Variants in SKP2 observed in about 807,000 individuals in gnomAD.
SKP2 encodes S-phase kinase-associated protein 2.
Under a neutral mutation model 51.8 loss-of-function variants are expected in SKP2, and 16 were observed. The observed-to-expected ratio is 0.31, with a 90% confidence interval of 0.21 to 0.47. The LOEUF (loss-of-function observed/expected upper bound fraction) is 0.47, where lower values mean the gene tolerates loss of function less well. SKP2 is among the 20% of genes least tolerant of loss of function. SKP2 has a pLI of 1.00. For synonymous variants in SKP2, 176 were observed against 198.6 expected (o/e 0.89, Z 0.96); for missense variants, 377 against 505.3 (o/e 0.75, Z 2.43).
intron 2 of SKP2, among the ~76,000 whole-genome samples, chr5:36,158,237 T>A (rs1383413347): frequency 1.3e-5 from 2 of 152,232 alleles, no homozygotes; most frequent in African/African-American, 2.4e-5. Flanking sequence ...ACCTCTGGAT[T>A]TTTCCTTCCG....
intron 2 of SKP2, among the ~76,000 whole-genome samples, chr5:36,160,902 C>T (rs1458344361): frequency 1.3e-5 from 2 of 152,298 alleles, no homozygotes; most frequent in Middle Eastern, 3.4e-3. Flanking sequence ...CTTTCTACCC[C>T]TAGCTTTCAG....
At chr5:36,160,212 T>A (rs1745080474) in intron 2 of SKP2, among the ~76,000 whole-genome samples, 1 of 152,230 alleles carries the variant, frequency 6.6e-6, no homozygotes, top group Non-Finnish European at 1.5e-5. Context: ...AGTCCAGTAG[T>A]CCTCAAATGT....
chr5:36,188,551 A>G (rs951271238), downstream of SKP2, among the ~76,000 whole-genome samples: 2 of 152,138 alleles, frequency 1.3e-5, no homozygotes. Flanking sequence ...AATGTTGAAT[A>G]TTGGCCCCCA....
Position 36,184,164 on chromosome 5 carries a change from T to A in SKP2, c.*2133T>A. On this transcript the variant is annotated 3_prime_UTR_variant, in exon 10 of 10. Coordinates refer to ENST00000274255, the MANE Select transcript of SKP2 (RefSeq NM_005983.4). ...AATAAGACTCTTCAAAACAGAGCCC[T>A]GAGATGGTCCTTTTTGACCCATCTA... 2.1e-6 allele frequency: 1 copy of A among 474,848 alleles called. No individual in the cohort carries two copies. Among genetic ancestry groups the A allele is most frequent in the East Asian group, 3.5e-5 (1 of 28,890 alleles). The allele number at this position is 474,848 out of a possible 1,614,324, so 29.4% of individuals were successfully genotyped here.
chr5:36,190,682 GC>G (rs1286652353), intron 6 of SKP2, among the ~76,000 whole-genome samples: 2 of 25,464 alleles, frequency 7.9e-5, no homozygotes, highest in East Asian at 1.7e-3. Context: ...TCAAACATAT[GC>G]AAAAAAAAAA....
At position 36,182,728 on chromosome 5, in the gene SKP2, G is replaced by T; in HGVS notation, c.*697G>T. 2 of 980,648 alleles carry T rather than the reference G, an allele frequency of 2.0e-6. No individual in the cohort carries two copies. The highest frequency in any genetic ancestry group is 1.2e-6 in the Non-Finnish European group (1 of 825,606). The allele number at this position is 980,648 out of a possible 1,614,324, so 60.7% of individuals were successfully genotyped here. A position where few individuals can be genotyped will look rare whatever the true frequency, so the allele number is the denominator to read the frequency against. Reference sequence around the variant, plus strand: ...ATGACAGGTTAATCTGAAGTATCCTGTAATGTTCATTAAGTTACTGTGTTT... The same window carrying T: ...ATGACAGGTTAATCTGAAGTATCCTTTAATGTTCATTAAGTTACTGTGTTT... On this transcript the variant is annotated 3_prime_UTR_variant, in exon 10 of 10. Coordinates refer to ENST00000274255, the MANE Select transcript of SKP2 (RefSeq NM_005983.4).
At position 36,191,107 on chromosome 5, in the gene SKP2, C is replaced by T. The variant is rs2112028443; in HGVS notation, c.633-1514C>T. Among the ~76,000 whole-genome samples, 2 of 152,312 alleles carry T rather than the reference C, an allele frequency of 1.3e-5. 1 individual carries two copies. Among genetic ancestry groups the T allele is most frequent in the South Asian group, 4.1e-4 (2 of 4,828 alleles). Reference sequence around the variant, plus strand: ...GTGTTCTACATTCTGGATTTTGCGTCTATCCCTGGAGTAATAGGTTAATCT... The same window carrying T: ...GTGTTCTACATTCTGGATTTTGCGTTTATCCCTGGAGTAATAGGTTAATCT... On this transcript the variant is annotated intron_variant, in intron 6 of 7. Transcript: ENST00000677886.
intron 2 of SKP2, among the ~76,000 whole-genome samples, chr5:36,156,405 G>A (rs1744948833): frequency 6.6e-6 from 1 of 152,154 alleles, no homozygotes; most frequent in Admixed American, 6.5e-5. Context: ...TGGGCTGCAA[G>A]TTTTTGTTGG....
At chr5:36,158,755 G>A (rs148819174) in intron 2 of SKP2, among the ~76,000 whole-genome samples, 104 of 152,288 alleles carry the variant, frequency 6.8e-4, no homozygotes, top group African/African-American at 2.4e-3. Flanking sequence ...TCAGACCTGA[G>A]TTTAAATTCC....
rs373841604 is a variant in SKP2 at position 36,164,630 on chromosome 5, G to A, written c.392+874G>A. On this transcript the variant is annotated intron_variant, in intron 3 of 9. Coordinates refer to ENST00000274255, the MANE Select transcript of SKP2 (RefSeq NM_005983.4). ...CAAGGGCGTGCTGCTATTTACAGGT[G>A]TGGGTTGTTTGCTTAGAAGAGCCGC... Among the ~76,000 whole-genome samples the A allele has an allele frequency of 2.0e-5, 3 of 152,192 alleles. No homozygotes were observed. In the South Asian group the frequency reaches 6.2e-4, roughly 31 times the overall value.
intron 9 of SKP2, among the ~76,000 whole-genome samples, chr5:36,179,775 C>T (rs1343210469): frequency 6.6e-6 from 1 of 152,150 alleles, no homozygotes; most frequent in Non-Finnish European, 1.5e-5. Context: ...ACATTTCTTA[C>T]ATTAGAAATA....
In SKP2 at chr5:36,184,083, G is replaced by C. The variant is rs1453689060; in HGVS notation, c.*2052G>C. On this transcript the variant is annotated 3_prime_UTR_variant, in exon 10 of 10. Transcript: ENST00000274255. ...TTTTCTTTCTCTTTTTTTAAGTGCT[G>C]TGGTTAAAATTTGAAAGCATTTAGT... The C allele has an allele frequency of 2.9e-5, 24 of 840,224 alleles. No individual in the cohort carries two copies. In the East Asian group the frequency reaches 6.6e-4, roughly 23 times the overall value. 52.0% of individuals were successfully genotyped at this position (840,224 alleles called of 1,614,324 possible). A position where few individuals can be genotyped will look rare whatever the true frequency, so the allele number is the denominator to read the frequency against.
At chr5:36,153,133 G>A (rs1364104402) in intron 2 of SKP2, 91 bp downstream of exon 2, 1 of 1,303,670 alleles carries the variant, frequency 7.7e-7, no homozygotes, top group South Asian at 1.4e-5. Flanking sequence ...TTTAGCATGG[G>A]TTCCTTTTAA....
rs1417085634 is a variant in SKP2 at position 36,170,568 on chromosome 5, G to A, written c.770+126G>A. 54 of 574,714 alleles carry A rather than the reference G, an allele frequency of 9.4e-5. No individual in the cohort carries two copies. In the East Asian group the frequency reaches 1.5e-3, roughly 16 times the overall value. The allele number at this position is 574,714 out of a possible 1,614,324, so 35.6% of individuals were successfully genotyped here. A position where few individuals can be genotyped will look rare whatever the true frequency, so the allele number is the denominator to read the frequency against. Reference sequence around the variant, plus strand: ...TTTCCAGGCTCTTGATTTGGTGAATGCAAAATCTTTTGCCCTCCTAACTTT... The same window carrying A: ...TTTCCAGGCTCTTGATTTGGTGAATACAAAATCTTTTGCCCTCCTAACTTT... On this transcript the variant is annotated intron_variant, in intron 6 of 9. Coordinates refer to ENST00000274255, the MANE Select transcript of SKP2 (RefSeq NM_005983.4).
rs200969102 is a variant in SKP2, at chr5:36,183,427, C to T, written c.*1396C>T. The T allele has an allele frequency of 4.5e-4, 121 of 266,202 alleles. 2 individuals are homozygous for T. In the East Asian group the frequency reaches 0.02, roughly 43 times the overall value. 16.5% of individuals were successfully genotyped at this position (266,202 alleles called of 1,614,324 possible). ...GACTACAGGCGCCCACCACCACGCC[C>T]GGCTAATTTTTTTGTATTTTTAGTA... is the stretch of plus-strand genomic sequence containing the variant. On this transcript the variant is annotated 3_prime_UTR_variant, in exon 10 of 10. Coordinates refer to ENST00000274255, the MANE Select transcript of SKP2 (RefSeq NM_005983.4).
rs1296080231 is a variant in SKP2, at chr5:36,152,159, C to G, written c.-104C>G. The G allele has an allele frequency of 6.5e-6, 8 of 1,233,496 alleles. No homozygotes were observed. The Admixed American group carries it at 8.5e-5, about 13-fold the overall frequency. The allele number at this position is 1,233,496 out of a possible 1,614,324, so 76.4% of individuals were successfully genotyped here. The stretch of plus-strand genomic sequence containing the variant: ...CTTAGCGGGTCTGGCTGCTGGGGGC[C>G]CGAGCAGCACGCTCGGAGCCGCCGC... On this transcript the variant is annotated 5_prime_UTR_variant, in exon 1 of 10. Transcript: ENST00000274255.
intron 2 of SKP2, among the ~76,000 whole-genome samples, chr5:36,154,476 C>T (rs1401756023): frequency 2.6e-5 from 4 of 152,098 alleles, no homozygotes; most frequent in Non-Finnish European, 5.9e-5. Context: ...CTAAAAATGA[C>T]ACACTGATGT....
chr5:36,170,994 A>C (rs1238256824), intron 6 of SKP2, among the ~76,000 whole-genome samples: 4 of 152,182 alleles, frequency 2.6e-5, no homozygotes, highest in Non-Finnish European at 5.9e-5. Flanking sequence ...ATGGTACAGC[A>C]TTTGAATCTG....
chr5:36,189,385 C>T (rs975728103), intron 6 of SKP2, among the ~76,000 whole-genome samples: 7 of 152,112 alleles, frequency 4.6e-5, no homozygotes, highest in South Asian at 4.1e-4. Flanking sequence ...ATGATGGTGA[C>T]GTACAGATGG....
Sources: allele counts gnomAD v4.1 joint callset (sites outside exome capture counted in the v4.1 genomes callset), GRCh38; gene constraint gnomAD v4.1.1; transcripts MANE v1.5; gene names NCBI Gene and HGNC (gene_info 2026-07-23, HGNC 2026-07-21).